The following ENOX2 variants were observed in gnomAD, a reference collection of about 807,000 sequenced individuals.
ENOX2 encodes ecto-NOX disulfide-thiol exchanger 2.
ENOX2 carries 36 observed loss-of-function variants against 45.0 expected under a neutral mutation model. The observed-to-expected ratio is 0.80, with a 90% CI of 0.61 to 1.06. The LOEUF (loss-of-function observed/expected upper bound fraction) is 1.06. ENOX2 is among the 50% of genes least tolerant of loss of function. The probability of loss-of-function intolerance (pLI) is 0.00; values close to 1 mark genes in which losing one functional copy is unlikely to be tolerated. For missense variants in ENOX2, 423 were observed against 462.5 expected, an observed-to-expected ratio of 0.91 and a Z score of 0.78; for synonymous variants, 174 against 152.3, an observed-to-expected ratio of 1.14 and a Z score of -1.05.
intron 6 of ENOX2, among the ~76,000 whole-genome samples, chrX:130,671,814 C>T (rs1210514255): frequency 9.0e-6 from 1 of 111,210 alleles, no homozygotes; most frequent in African/African-American, 3.3e-5. Context: ...AGAAGCAAGA[C>T]CTAAAAGGAC....
intron 2 of ENOX2, among the ~76,000 whole-genome samples, chrX:130,858,474 T>G (rs1035427768): frequency 7.2e-5 from 8 of 111,381 alleles, no homozygotes; most frequent in African/African-American, 2.6e-4. Context: ...GGAAAAAAAG[T>G]CAAGCTTTAT....
chrX:130,689,767 T>C (rs746174944), intron 4 of ENOX2, among the ~76,000 whole-genome samples: 8 of 111,825 alleles, frequency 7.2e-5, no homozygotes, highest in Non-Finnish European at 1.1e-4. Flanking sequence ...CACTGATTTT[T>C]TTTTTATTTT....
chrX:130,757,412 C>T (rs1023675437), intron 3 of ENOX2, among the ~76,000 whole-genome samples: 2 of 112,156 alleles, frequency 1.8e-5, no homozygotes, highest in Non-Finnish European at 3.8e-5. Context: ...TTAGTTCCTG[C>T]ACCTTCACAT....
chrX:130,797,288 C>CA (rs908771051), intron 2 of ENOX2, among the ~76,000 whole-genome samples: 2 of 111,266 alleles, frequency 1.8e-5, no homozygotes, highest in African/African-American at 6.5e-5. Context: ...AGTAACTTTC[C>CA]AAAAAATGCC....
intron 2 of ENOX2, among the ~76,000 whole-genome samples, chrX:130,799,782 G>A (rs1489384310): frequency 9.0e-6 from 1 of 111,496 alleles, no homozygotes; most frequent in Non-Finnish European, 1.9e-5. Flanking sequence ...AGGGAGAACA[G>A]GGAGAGCCCT....
intron 9 of ENOX2, 134 bp from the exon 10 acceptor site, chrX:130,656,829 C>T (rs2036560373): frequency 2.3e-6 from 1 of 436,661 alleles, no homozygotes; most frequent in African/African-American, 2.5e-5. Context: ...ACTCTTAAGG[C>T]AAAGAGGCAT....
intron 9 of ENOX2, 36 bp downstream of exon 9, chrX:130,665,607 C>A (rs371814711): frequency 2.1e-6 from 2 of 968,719 alleles, no homozygotes; most frequent in East Asian, 3.2e-5. Context: ...AAGAAACTGT[C>A]CCCCCAAGGG....
At chrX:130,884,137 AT>A (rs1461231107) in intron 2 of ENOX2, among the ~76,000 whole-genome samples, 2 of 111,715 alleles carry the variant, frequency 1.8e-5, no homozygotes, top group African/African-American at 3.3e-5. Context: ...TCCCACCTGT[AT>A]TTTTTAAGTG....
intron 4 of ENOX2, 87 bp from the exon 5 acceptor site, chrX:130,689,105 G>A: frequency 1.2e-6 from 1 of 821,129 alleles, no homozygotes; most frequent in Non-Finnish European, 1.7e-6. Context: ...CAAATCAAAG[G>A]CCTTTCTAAG....
chrX:130,762,609 G>A (rs1806676508), intron 3 of ENOX2, among the ~76,000 whole-genome samples: 1 of 111,719 alleles, frequency 9.0e-6, no homozygotes, highest in Admixed American at 9.4e-5. Flanking sequence ...CTTTTGCTTT[G>A]ACCCATGGTT....
At chrX:130,799,525 C>G (rs2077183395) in intron 2 of ENOX2, among the ~76,000 whole-genome samples, 1 of 111,487 alleles carries the variant, frequency 9.0e-6, no homozygotes, top group Non-Finnish European at 1.9e-5. Flanking sequence ...TTTAGAGAAC[C>G]CTGACTAATA....
At position 130,775,379 on chromosome X, in the gene ENOX2, C is replaced by CA. The variant is rs775705510; in HGVS notation, c.-39+8167dup. Among the ~76,000 whole-genome samples, 716 of 97,478 alleles carry CA rather than the reference C, an allele frequency of 7.3e-3. 9 individuals carry two copies. Among genetic ancestry groups the CA allele is most frequent in the African/African-American group, 0.024 (632 of 26,630 alleles). The allele number at this position is 97,478 out of a possible 115,157, so 84.6% of individuals were successfully genotyped here. A position where few individuals can be genotyped will look rare whatever the true frequency, so the allele number is the denominator to read the frequency against. ...TGGGTGACAGAGGGAGACCCTGTCT[C>CA]AAAAAAAAAAATACTAATATTATAA... On this transcript the variant is annotated intron_variant, in intron 3 of 14. Coordinates refer to ENST00000394363, the MANE Select transcript of ENOX2 (RefSeq NM_006375.4).
chrX:130,785,543 C>G (rs908589634), intron 2 of ENOX2, among the ~76,000 whole-genome samples: 3 of 110,679 alleles, frequency 2.7e-5, no homozygotes, highest in Non-Finnish European at 5.7e-5. Context: ...GGATCTTAAG[C>G]GAACTGTTCA....
chrX:130,664,108 T>C (rs753865555), intron 9 of ENOX2, among the ~76,000 whole-genome samples: 3 of 112,186 alleles, frequency 2.7e-5, no homozygotes, highest in South Asian at 7.5e-4. Context: ...TACCAACCCA[T>C]TGGATGGCTG....
chrX:130,698,112 T>C (rs935283033), intron 4 of ENOX2, among the ~76,000 whole-genome samples: 1 of 111,723 alleles, frequency 9.0e-6, no homozygotes, highest in African/African-American at 3.3e-5. Flanking sequence ...TTGTTGCCAG[T>C]AATCAAGTCA....
At chrX:130,631,130 CCT>C (rs1389094546) in intron 13 of ENOX2, among the ~76,000 whole-genome samples, 1 of 110,674 alleles carries the variant, frequency 9.0e-6, no homozygotes, top group Non-Finnish European at 1.9e-5. Flanking sequence ...GCGCTAGCCC[CCT>C]GAGTGGACAT....
chrX:130,754,570 AATAAT>A (rs2039306469), intron 3 of ENOX2, among the ~76,000 whole-genome samples: 1 of 111,855 alleles, frequency 8.9e-6, no homozygotes, highest in Non-Finnish European at 1.9e-5. Context: ...AAAAGAACAA[AATAAT>A]ATATTTTGCA....
intron 4 of ENOX2, among the ~76,000 whole-genome samples, chrX:130,699,832 G>A (rs929409194): frequency 8.9e-6 from 1 of 111,919 alleles, no homozygotes; most frequent in Non-Finnish European, 1.9e-5. Flanking sequence ...AAAATTTCAC[G>A]CTTGCATTTG....
intron 2 of ENOX2, among the ~76,000 whole-genome samples, chrX:130,809,594 C>A (rs1473403077): frequency 1.8e-5 from 2 of 111,206 alleles, no homozygotes; most frequent in Non-Finnish European, 3.8e-5. Flanking sequence ...CAATTAAGTC[C>A]CTCCTTAGAT....
Sources: gnomAD v4.1 joint callset for allele counts (sites outside exome capture counted in the v4.1 genomes callset) on GRCh38, gnomAD v4.1.1 for gene constraint, MANE v1.5 for transcripts, NCBI Gene and HGNC (gene_info 2026-07-23, HGNC 2026-07-21) for gene names.